GC: variants seen among roughly 807,000 people sequenced by gnomAD.
GC encodes the protein vitamin D-binding protein.
A neutral mutation model predicts 56.7 loss-of-function variants in GC; 43 were observed. The observed-to-expected ratio is 0.76, with a 90% CI of 0.59 to 0.98. The LOEUF is 0.98. Among genes scored for constraint, GC ranks in the 50% least tolerant of loss-of-function variants. The pLI, the probability that GC is intolerant of heterozygous loss-of-function variation, is 0.00. For missense variants in GC, 529 were observed against 545.9 expected (o/e 0.97, Z 0.31); for synonymous variants, 216 against 202.7 (o/e 1.07, Z -0.56).
intron 1 of GC, among the ~76,000 whole-genome samples, chr4:71,782,288 A>G (rs60788229): frequency 0.02 from 3,012 of 151,840 alleles, 101 homozygotes; most frequent in African/African-American, 0.069. Context: ...TAATCTGTAC[A>G]CTTTGTAACT....
intron 1 of GC, among the ~76,000 whole-genome samples, chr4:71,793,140 T>C (rs1743012341): frequency 6.6e-6 from 1 of 152,104 alleles, no homozygotes. Flanking sequence ...TCTTGGCAAG[T>C]CAGGCTCTTT....
At chr4:71,798,022 A>C (rs1195052580) in intron 1 of GC, among the ~76,000 whole-genome samples, 2 of 152,178 alleles carry the variant, frequency 1.3e-5, no homozygotes, top group East Asian at 3.8e-4. Context: ...GTGCCTGCTC[A>C]GTTTCTTCAA....
intron 1 of GC, among the ~76,000 whole-genome samples, chr4:71,802,005 T>C (rs1218819047): frequency 6.6e-6 from 1 of 152,086 alleles, no homozygotes; most frequent in Non-Finnish European, 1.5e-5. Context: ...TATTCTCTAA[T>C]TTTGTGGAAG....
In GC at chr4:71,743,095, A is replaced by G. The variant is rs974666292; in HGVS notation, c.*26-1225T>C. ...AAAAGATTGATCAAGGAGACCAATAACTGTCAAGATGAGAACTGAAGTTTT... is the reference window on the plus strand; with the variant it reads ...AAAAGATTGATCAAGGAGACCAATAGCTGTCAAGATGAGAACTGAAGTTTT... On this transcript the variant is annotated intron_variant, in intron 12 of 12. Coordinates refer to ENST00000273951, the MANE Select transcript of GC (RefSeq NM_000583.4). 2.0e-5 allele frequency among the ~76,000 whole-genome samples: 3 copies of G among 152,230 alleles called. No homozygotes were observed. In the East Asian group the frequency reaches 5.8e-4, roughly 29 times the overall value.
chr4:71,751,150 A>C (rs865938939), intron 11 of GC, among the ~76,000 whole-genome samples: 1 of 152,188 alleles, frequency 6.6e-6, no homozygotes, highest in Non-Finnish European at 1.5e-5. Flanking sequence ...TAACAGGTAA[A>C]ATGGAGGATG....
At chr4:71,745,739 A>T (rs1370079980) in intron 12 of GC, among the ~76,000 whole-genome samples, 1 of 152,228 alleles carries the variant, frequency 6.6e-6, no homozygotes, top group Non-Finnish European at 1.5e-5. Context: ...ATATTTCAAC[A>T]GTATTGTTTT....
chr4:71,795,229 CATTG>C (rs1393722878), intron 1 of GC, among the ~76,000 whole-genome samples: 2 of 152,154 alleles, frequency 1.3e-5, no homozygotes, highest in Non-Finnish European at 2.9e-5. Flanking sequence ...TCTTCTGTCT[CATTG>C]ATCTATCTAA....
In GC at chr4:71,768,281, G is replaced by A. The variant is rs1413392504; in HGVS notation, c.261+20C>T. On this transcript the variant is annotated intron_variant, in intron 3 of 12. Coordinates refer to ENST00000273951, the MANE Select transcript of GC (RefSeq NM_000583.4). ...TCCTTCTCTGGGCTGCCACAGAGACGGCCAGCCACAGAAACCTACCCTGGT... is the reference window on the plus strand; with the variant it reads ...TCCTTCTCTGGGCTGCCACAGAGACAGCCAGCCACAGAAACCTACCCTGGT... The A allele has an allele frequency of 2.0e-5, 31 of 1,568,430 alleles. No individual in the cohort carries two copies. Among genetic ancestry groups the A allele is most frequent in the African/African-American group, 2.7e-5 (2 of 73,052 alleles).
chr4:71,787,179 C>T (rs534809989), upstream of GC, among the ~76,000 whole-genome samples: 2 of 151,948 alleles, frequency 1.3e-5, no homozygotes, highest in African/African-American at 4.8e-5. Context: ...CATTATTTAT[C>T]AAAAATGCAA....
At chr4:71,778,923 TGG>T (rs1742590098) in intron 1 of GC, among the ~76,000 whole-genome samples, 1 of 140,458 alleles carries the variant, frequency 7.1e-6, no homozygotes, top group African/African-American at 3.0e-5. Flanking sequence ...TTATTATTAT[TGG>T]CTAAATCCAG....
chr4:71,799,567 G>A (rs1907584), intron 1 of GC, among the ~76,000 whole-genome samples: 105,438 of 152,026 alleles, frequency 0.69, 39,035 homozygotes, highest in South Asian at 0.83. Context: ...AAGCCAGGGG[G>A]ACCTGGGGCT....
intron 1 of GC, among the ~76,000 whole-genome samples, chr4:71,797,321 G>T (rs1325443222): frequency 6.6e-6 from 1 of 152,262 alleles, no homozygotes; most frequent in Non-Finnish European, 1.5e-5. Flanking sequence ...AGTAGGCCTT[G>T]CTGAGCTGTG....
intron 1 of GC, among the ~76,000 whole-genome samples, chr4:71,791,274 A>T (rs932654962): frequency 6.6e-6 from 1 of 152,090 alleles, no homozygotes; most frequent in African/African-American, 2.4e-5. Flanking sequence ...ATTTTTGCTT[A>T]AAAGTTTTTT....
chr4:71,767,319 G>A (rs963744908), intron 3 of GC, among the ~76,000 whole-genome samples: 3 of 152,012 alleles, frequency 2.0e-5, no homozygotes, highest in Non-Finnish European at 4.4e-5. Context: ...CAGGCCTGAC[G>A]ACTGCATTAA....
chr4:71,757,392 T>C (rs1741815580), intron 7 of GC, among the ~76,000 whole-genome samples: 1 of 152,158 alleles, frequency 6.6e-6, no homozygotes, highest in African/African-American at 2.4e-5. Flanking sequence ...CAACACAATG[T>C]ATCTATTACT....
intron 8 of GC, among the ~76,000 whole-genome samples, chr4:71,755,970 A>T (rs981305515): frequency 6.6e-6 from 1 of 152,232 alleles, no homozygotes; most frequent in South Asian, 2.1e-4. Context: ...TGCCATCATT[A>T]TGCATACACA....
At chr4:71,791,818 C>A (rs1742974423) in intron 1 of GC, among the ~76,000 whole-genome samples, 1 of 152,084 alleles carries the variant, frequency 6.6e-6, no homozygotes, top group Admixed American at 6.6e-5. Context: ...CCTTCACCAA[C>A]CCCTACTCCC....
chr4:71,743,843 A>C lies in GC; in HGVS notation c.*26-1973T>G, dbSNP rs141666959. On this transcript the variant is annotated intron_variant, in intron 12 of 12. Coordinates refer to ENST00000273951, the MANE Select transcript of GC (RefSeq NM_000583.4). ...AAATTGAGCTCAAAACACTCAATGCATGTTACCAAAATCCATGGAAGGGAT... is the reference window on the plus strand; with the variant it reads ...AAATTGAGCTCAAAACACTCAATGCCTGTTACCAAAATCCATGGAAGGGAT... 2.6e-3 allele frequency among the ~76,000 whole-genome samples: 399 copies of C among 152,356 alleles called. 1 individual carries two copies. The highest frequency in any genetic ancestry group is 9.1e-3 in the African/African-American group (379 of 41,586).
intron 11 of GC, 26 bp downstream of exon 11, chr4:71,752,492 T>G (rs755560272): frequency 4.5e-5 from 72 of 1,596,312 alleles, no homozygotes; most frequent in Middle Eastern, 1.7e-4. Flanking sequence ...TTCTGCCATG[T>G]TAAGTGGAGG....
Sources: gnomAD v4.1 joint callset for allele counts (sites outside exome capture counted in the v4.1 genomes callset) on GRCh38, gnomAD v4.1.1 for gene constraint, MANE v1.5 for transcripts, NCBI Gene and HGNC (gene_info 2026-07-23, HGNC 2026-07-21) for gene names.